Variants in CPED1 observed in about 807,000 individuals in gnomAD.
CPED1 encodes the protein cadherin-like and PC-esterase domain-containing protein 1.
CPED1 carries 114 observed loss-of-function variants against 128.2 expected under a neutral mutation model. The ratio of observed to expected loss-of-function variants is 0.89; its 90% confidence interval spans 0.76 to 1.04. CPED1 has a LOEUF of 1.04. CPED1 is among the 50% of genes least tolerant of loss of function. The pLI is 0.00. For missense variants in CPED1, 1,211 were observed against 1,207.1 expected (o/e 1.00, Z -0.05); for synonymous variants, 462 against 426.7 (o/e 1.08, Z -1.02).
intron 4 of CPED1, among the ~76,000 whole-genome samples, chr7:121,047,653 T>TTCCTCTTCCTCTTCCTCTTCC (rs1563004741): frequency 7.9e-3 from 40 of 5,064 alleles, no homozygotes; most frequent in Admixed American, 0.022. Context: ...ACCTTTCTTC[T>TTCCTCTTCCTCTTCCTCTTCC]TCTTCTTCTT....
chr7:121,143,477 A>G (rs975940097), intron 16 of CPED1, among the ~76,000 whole-genome samples: 2 of 151,962 alleles, frequency 1.3e-5, no homozygotes, highest in Non-Finnish European at 2.9e-5. Flanking sequence ...TATGGAGAAG[A>G]CTTTAAAATA....
At chr7:121,059,129 G>GC (rs768426142) in intron 4 of CPED1, among the ~76,000 whole-genome samples, 6 of 152,164 alleles carry the variant, frequency 3.9e-5, no homozygotes, top group Non-Finnish European at 8.8e-5. Flanking sequence ...GTATCTCACC[G>GC]CAAGTAGACA....
At chr7:121,008,751 C>T (rs1792088718) in intron 2 of CPED1, among the ~76,000 whole-genome samples, 1 of 151,934 alleles carries the variant, frequency 6.6e-6, no homozygotes, top group Admixed American at 6.5e-5. Flanking sequence ...TATTGCTCTT[C>T]TTGCAAAACA....
intron 4 of CPED1, among the ~76,000 whole-genome samples, chr7:121,053,001 G>A (rs1387316028): frequency 2.0e-5 from 3 of 152,084 alleles, no homozygotes; most frequent in Non-Finnish European, 1.5e-5. Flanking sequence ...TTACAGAGGT[G>A]AGCCACTGTG....
At chr7:121,219,052 TAA>T (rs775417912) in intron 16 of CPED1, among the ~76,000 whole-genome samples, 22 of 152,038 alleles carry the variant, frequency 1.4e-4, no homozygotes, top group Non-Finnish European at 2.9e-4. Flanking sequence ...CCCAAAGTAG[TAA>T]CACACAGATC....
intron 16 of CPED1, among the ~76,000 whole-genome samples, chr7:121,172,181 C>T (rs371837208): frequency 3.9e-5 from 6 of 152,166 alleles, no homozygotes; most frequent in South Asian, 4.2e-4. Flanking sequence ...AGGTCTACCC[C>T]GGGAAAGGTT....
At chr7:121,036,411 T>C (rs1020786232) in intron 3 of CPED1, among the ~76,000 whole-genome samples, 6 of 151,932 alleles carry the variant, frequency 3.9e-5, no homozygotes, top group African/African-American at 1.4e-4. Flanking sequence ...AGAATAATAG[T>C]CTCCCAGTTC....
intron 18 of CPED1, among the ~76,000 whole-genome samples, chr7:121,249,558 T>C (rs1268899519): frequency 6.6e-6 from 1 of 152,152 alleles, no homozygotes; most frequent in Non-Finnish European, 1.5e-5. Context: ...CAACCAATAA[T>C]TTTATATCCC....
At chr7:121,238,566 A>G (rs964982234) in intron 17 of CPED1, among the ~76,000 whole-genome samples, 5 of 152,118 alleles carry the variant, frequency 3.3e-5, no homozygotes, top group Admixed American at 2.6e-4. Context: ...TATTATGTTA[A>G]GTATTTACAT....
chr7:121,015,527 T>C (rs1438565513), intron 2 of CPED1, 138 bp from the exon 3 acceptor site: 10 of 711,848 alleles, frequency 1.4e-5, no homozygotes, highest in African/African-American at 5.5e-5. Context: ...CTTGTCAGCC[T>C]TTCAGAGAAA....
chr7:121,056,726 A>G (rs766633323), intron 4 of CPED1, among the ~76,000 whole-genome samples: 1 of 152,028 alleles, frequency 6.6e-6, no homozygotes. Context: ...TCTATTTGTC[A>G]TGGGTTAAAC....
intron 12 of CPED1, among the ~76,000 whole-genome samples, chr7:121,130,700 T>C (rs888958447): frequency 5.3e-5 from 8 of 151,346 alleles, no homozygotes; most frequent in Admixed American, 1.3e-4. Flanking sequence ...TTTTGAGGTG[T>C]GACTTTTTTC....
At chr7:121,013,473 A>T (rs568077400) in intron 2 of CPED1, among the ~76,000 whole-genome samples, 5 of 152,346 alleles carry the variant, frequency 3.3e-5, no homozygotes, top group African/African-American at 1.2e-4. Context: ...AACATGTGCC[A>T]GGCAGAGCAC....
intron 18 of CPED1, among the ~76,000 whole-genome samples, chr7:121,248,598 A>AAAC (rs1798594899): frequency 6.9e-6 from 1 of 145,632 alleles, no homozygotes; most frequent in East Asian, 2.1e-4. Context: ...GTGAAACAAA[A>AAAC]AAAAAAAAAA....
At chr7:121,173,096 C>G (rs1414100835) in intron 16 of CPED1, among the ~76,000 whole-genome samples, 3 of 152,118 alleles carry the variant, frequency 2.0e-5, no homozygotes, top group African/African-American at 7.2e-5. Flanking sequence ...TCATTTGGCT[C>G]AATGAACTGG....
chr7:121,108,551 A>C (rs1795034820), intron 7 of CPED1, among the ~76,000 whole-genome samples: 1 of 152,112 alleles, frequency 6.6e-6, no homozygotes, highest in South Asian at 2.1e-4. Context: ...ATTAGTCATA[A>C]ACTTGTGAGT....
chr7:121,009,809 T>C (rs1792115510), intron 2 of CPED1, among the ~76,000 whole-genome samples: 1 of 152,006 alleles, frequency 6.6e-6, no homozygotes, highest in South Asian at 2.1e-4. Context: ...TGAAACGAAG[T>C]GGAGGAGAGT....
chr7:121,186,377 G>A (rs896586617), intron 16 of CPED1, among the ~76,000 whole-genome samples: 17 of 152,078 alleles, frequency 1.1e-4, no homozygotes, highest in African/African-American at 3.1e-4. Context: ...TGGGACACTA[G>A]CACTTATCTG....
At chr7:121,009,366 G>T (rs1230542414) in intron 2 of CPED1, among the ~76,000 whole-genome samples, 1 of 152,120 alleles carries the variant, frequency 6.6e-6, no homozygotes, top group Non-Finnish European at 1.5e-5. Context: ...CATTTTGAGA[G>T]GCTGAGGCAG....
Sources: allele counts gnomAD v4.1 joint callset (sites outside exome capture counted in the v4.1 genomes callset), GRCh38; gene constraint gnomAD v4.1.1; transcripts MANE v1.5; gene names NCBI Gene and HGNC (gene_info 2026-07-23, HGNC 2026-07-21).